Variants in CSMD1 observed in about 807,000 individuals in gnomAD.
The protein encoded by CSMD1 is CUB and sushi domain-containing protein 1.
CSMD1 carries 213 observed loss-of-function variants against 417.5 expected under a neutral mutation model. The ratio of observed to expected loss-of-function variants is 0.51; its 90% CI spans 0.46 to 0.57. The LOEUF is 0.57. CSMD1 is among the 20% of genes least tolerant of loss of function. CSMD1 has a pLI of 0.00. For missense variants in CSMD1, 6,923 were observed against 4,529.7 expected (o/e 1.53, Z -15.17); for synonymous variants, 2,862 against 1,736.8 (o/e 1.65, Z -16.11).
chr8:4,905,312 C>G (rs1047505206), intron 1 of CSMD1, among the ~76,000 whole-genome samples: 21 of 152,074 alleles, frequency 1.4e-4, no homozygotes, highest in Non-Finnish European at 2.8e-4. Context: ...GGATAACTCG[C>G]TGTGTCAAGT....
At chr8:3,980,760 C>T (rs912536321) in intron 5 of CSMD1, among the ~76,000 whole-genome samples, 5 of 152,268 alleles carry the variant, frequency 3.3e-5, no homozygotes, top group African/African-American at 9.6e-5. Context: ...ATTTTCATTT[C>T]TGCTGCAGGC....
At chr8:3,248,523 C>CTTTTTTTTTTTTTT (rs10663439) in intron 26 of CSMD1, among the ~76,000 whole-genome samples, 13 of 85,982 alleles carry the variant, frequency 1.5e-4, no homozygotes, top group African/African-American at 2.1e-4. Context: ...AATTCCCTCC[C>CTTTTTTTTTTTTTT]TTTTTTTTTT....
Position 3,637,621 on chromosome 8 carries a change from ACTG to A in CSMD1, c.1010-20827_1010-20825del, listed in dbSNP as rs79101172. Among the ~76,000 whole-genome samples, 1,678 of 152,276 alleles carry A rather than the reference ACTG, an allele frequency of 0.011. 51 individuals carry two copies. In the East Asian group the frequency reaches 0.13, roughly 12 times the overall value. On this transcript the variant is annotated intron_variant, in intron 7 of 69. Coordinates refer to ENST00000635120, the MANE Select transcript of CSMD1 (RefSeq NM_033225.6). ...TGTTACCTAGTATATACTGGGTGCTACTGTTGGCACTATTAAAGTCTATGATTC... is the reference window on the plus strand; with the variant it reads ...TGTTACCTAGTATATACTGGGTGCTATTGGCACTATTAAAGTCTATGATTC...
At chr8:4,181,411 C>A (rs1269114444) in intron 3 of CSMD1, among the ~76,000 whole-genome samples, 2 of 151,554 alleles carry the variant, frequency 1.3e-5, no homozygotes, top group Non-Finnish European at 2.9e-5. Context: ...GTTCTCCAAT[C>A]TTTTGGCTTC....
rs919927064 is a variant in CSMD1 at position 4,266,547 on chromosome 8, C to G, written c.415+153406G>C. Reference sequence around the variant, plus strand: ...ACAATTTCATACTCATGCCTCATATCCTTCCTTCAGAAAAACAATTTTAAA... The same window carrying G: ...ACAATTTCATACTCATGCCTCATATGCTTCCTTCAGAAAAACAATTTTAAA... On this transcript the variant is annotated intron_variant, in intron 3 of 69. Coordinates refer to ENST00000635120, the MANE Select transcript of CSMD1 (RefSeq NM_033225.6). Among the ~76,000 whole-genome samples the G allele has an allele frequency of 2.9e-5, 3 of 104,634 alleles. 1 individual carries two copies. The highest frequency in any genetic ancestry group is 7.8e-5 in the African/African-American group (3 of 38,354). The allele number at this position is 104,634 out of a possible 152,430, so 68.6% of individuals were successfully genotyped here.
intron 5 of CSMD1, among the ~76,000 whole-genome samples, chr8:3,826,829 T>C (rs992573623): frequency 5.9e-5 from 9 of 152,198 alleles, no homozygotes; most frequent in African/African-American, 1.9e-4. Flanking sequence ...CTCTGTCATC[T>C]AGGCTGCAGT....
Position 3,272,549 on chromosome 8 carries a change from C to T in CSMD1, c.4153+11595G>A, listed in dbSNP as rs533568618. ...TATGGCCATTTTCACGATATTGATT[C>T]TTCCTACCCATGAGCATGGAATGTT... On this transcript the variant is annotated intron_variant, in intron 26 of 69. Transcript: ENST00000635120. Among the ~76,000 whole-genome samples the T allele has an allele frequency of 1.3e-4, 18 of 138,152 alleles. 1 individual carries two copies. The highest frequency in any genetic ancestry group is 5.0e-4 in the African/African-American group (18 of 36,080). 90.6% of individuals were successfully genotyped at this position (138,152 alleles called of 152,430 possible). A position where few individuals can be genotyped will look rare whatever the true frequency, so the allele number is the denominator to read the frequency against.
At chr8:4,127,531 C>G (rs958035033) in intron 3 of CSMD1, among the ~76,000 whole-genome samples, 34 of 150,582 alleles carry the variant, frequency 2.3e-4, no homozygotes, top group Admixed American at 1.5e-3. Flanking sequence ...CACCAGAAAC[C>G]CTTTGGTTTT....
chr8:3,672,749 C>A (rs997465817), intron 7 of CSMD1, among the ~76,000 whole-genome samples: 2 of 152,132 alleles, frequency 1.3e-5, no homozygotes, highest in African/African-American at 2.4e-5. Context: ...TTAAACCAGG[C>A]AAATGGAAGA....
intron 28 of CSMD1, among the ~76,000 whole-genome samples, chr8:3,222,549 G>C (rs967913136): frequency 6.6e-6 from 1 of 152,068 alleles, no homozygotes; most frequent in African/African-American, 2.4e-5. Context: ...GAACTCAAGT[G>C]CTCCCCATCT....
At chr8:4,439,632 C>A (rs185657213) in intron 2 of CSMD1, among the ~76,000 whole-genome samples, 4 of 151,990 alleles carry the variant, frequency 2.6e-5, no homozygotes, top group East Asian at 3.9e-4. Flanking sequence ...TAAAACAGCA[C>A]CATAAGGCAA....
intron 9 of CSMD1, among the ~76,000 whole-genome samples, chr8:3,582,176 C>T (rs949724220): frequency 1.3e-5 from 2 of 152,198 alleles, no homozygotes; most frequent in African/African-American, 2.4e-5. Context: ...CTGTACCGAA[C>T]GTGTCAACAG....
chr8:3,247,861 G>T (rs1409680590), intron 26 of CSMD1, among the ~76,000 whole-genome samples: 2 of 152,170 alleles, frequency 1.3e-5, no homozygotes, highest in African/African-American at 4.8e-5. Context: ...TAATTCACAA[G>T]GGGGGAGCAG....
At chr8:4,854,150 T>C (rs995341002) in intron 1 of CSMD1, among the ~76,000 whole-genome samples, 1 of 152,174 alleles carries the variant, frequency 6.6e-6, no homozygotes, top group African/African-American at 2.4e-5. Flanking sequence ...TTGGGGGCTA[T>C]TGGCAGGAGA....
intron 9 of CSMD1, among the ~76,000 whole-genome samples, chr8:3,584,560 G>C (rs1800519112): frequency 6.6e-6 from 1 of 152,118 alleles, no homozygotes; most frequent in Non-Finnish European, 1.5e-5. Context: ...CTTTGGGATA[G>C]GATACTGAGA....
chr8:4,728,448 C>T (rs1585008179), intron 1 of CSMD1, among the ~76,000 whole-genome samples: 1 of 151,912 alleles, frequency 6.6e-6, no homozygotes, highest in African/African-American at 2.4e-5. Context: ...AGTCTTGTTA[C>T]CAATTGAACG....
At chr8:4,227,847 C>G in intron 3 of CSMD1, among the ~76,000 whole-genome samples, 1 of 150,378 alleles carries the variant, frequency 6.6e-6, no homozygotes, top group South Asian at 2.1e-4. Flanking sequence ...GCATTAAACC[C>G]CACACCAGGA....
intron 22 of CSMD1, among the ~76,000 whole-genome samples, chr8:3,345,941 T>A (rs74584276): frequency 1.4e-3 from 206 of 152,336 alleles, no homozygotes; most frequent in African/African-American, 4.8e-3. Flanking sequence ...CTTACATGAT[T>A]TTTCCACATG....
rs186381489 is a variant in CSMD1, at chr8:4,503,485, T to G, written c.303-83420A>C. 2.0e-5 allele frequency among the ~76,000 whole-genome samples: 3 copies of G among 152,298 alleles called. No individual in the cohort carries two copies. In the East Asian group the frequency reaches 5.8e-4, roughly 29 times the overall value. ...GAAAAAGATACTTACCTATACATAT[T>G]ATTATATTCTTAGAAAATCCAAGCA... On this transcript the variant is annotated intron_variant, in intron 2 of 69. Transcript: ENST00000635120.
Sources: allele counts gnomAD v4.1 joint callset (sites outside exome capture counted in the v4.1 genomes callset), GRCh38; gene constraint gnomAD v4.1.1; transcripts MANE v1.5; gene names NCBI Gene and HGNC (gene_info 2026-07-23, HGNC 2026-07-21).